The following ASIC2 variants were observed in gnomAD, a reference collection of about 807,000 sequenced individuals.
ASIC2 encodes acid sensing ion channel subunit 2.
A neutral mutation model predicts 57.3 loss-of-function variants in ASIC2; 25 were observed. The observed-to-expected ratio is 0.44, with a 90% CI of 0.32 to 0.61. The LOEUF (loss-of-function observed/expected upper bound fraction) is 0.61. Among genes scored for constraint, ASIC2 ranks in the 20% least tolerant of loss-of-function variants. ASIC2 has a pLI of 0.06. For missense variants in ASIC2, 641 were observed against 738.1 expected, an observed-to-expected ratio of 0.87 and a Z score of 1.52; for synonymous variants, 319 against 307.5, an observed-to-expected ratio of 1.04 and a Z score of -0.39.
chr17:33,622,394 G>GAC (rs540445865), intron 1 of ASIC2, among the ~76,000 whole-genome samples: 8 of 151,810 alleles, frequency 5.3e-5, no homozygotes, highest in Admixed American at 1.3e-4. Context: ...TTTAAAAAAA[G>GAC]ACACACACAC....
chr17:33,519,066 C>T lies in ASIC2; in HGVS notation c.556-406999G>A, dbSNP rs541838346. Among the ~76,000 whole-genome samples, 19 of 152,182 alleles carry T rather than the reference C, an allele frequency of 1.2e-4. No individual in the cohort carries two copies. In the South Asian group the frequency reaches 2.5e-3, roughly 20 times the overall value. ...CGATCTCCTGACCTCGTGATCCGCC[C>T]GCCTCGGCCTCCCAAAGTGCTGGGA... On this transcript the variant is annotated intron_variant, in intron 1 of 9. Coordinates refer to the ASIC2 transcript ENST00000359872.
chr17:33,343,472 C>G (rs1006848641), intron 1 of ASIC2, among the ~76,000 whole-genome samples: 3 of 152,198 alleles, frequency 2.0e-5, no homozygotes, highest in Non-Finnish European at 4.4e-5. Context: ...TTGGCTTCCT[C>G]ACTTTATTAC....
At position 33,277,651 on chromosome 17, in the gene ASIC2, A is replaced by G. The variant is rs11657753; in HGVS notation, c.708+13757T>C. ...TTTGCCCTGGTGAAGATTAATCAGC[A>G]GAGGAATGTGGTGCTAATTACCCAG... On this transcript the variant is annotated intron_variant, in intron 1 of 9. Coordinates refer to ENST00000225823, the MANE Select transcript of ASIC2 (RefSeq NM_183377.2). 6.1e-3 allele frequency among the ~76,000 whole-genome samples: 934 copies of G among 152,318 alleles called. 5 individuals carry two copies. The highest frequency in any genetic ancestry group is 9.7e-3 in the Admixed American group (149 of 15,296).
intron 1 of ASIC2, among the ~76,000 whole-genome samples, chr17:33,746,259 T>A (rs1910254507): frequency 6.6e-6 from 1 of 151,056 alleles, no homozygotes; most frequent in African/African-American, 2.4e-5. Flanking sequence ...TATACACATA[T>A]ATGTATATAC....
intron 3 of ASIC2, among the ~76,000 whole-genome samples, chr17:33,087,517 T>C (rs2092138955): frequency 6.6e-6 from 1 of 150,756 alleles, no homozygotes; most frequent in South Asian, 2.1e-4. Flanking sequence ...GCCTATGCCA[T>C]CAACACTTTC....
At chr17:33,199,146 A>C in intron 1 of ASIC2, among the ~76,000 whole-genome samples, 1 of 152,214 alleles carries the variant, frequency 6.6e-6, no homozygotes, top group East Asian at 1.9e-4. Context: ...GTGGGCTGAT[A>C]ACCATTTCGG....
intron 1 of ASIC2, among the ~76,000 whole-genome samples, chr17:33,946,942 C>T (rs958614035): frequency 3.3e-5 from 5 of 152,078 alleles, no homozygotes; most frequent in African/African-American, 1.2e-4. Flanking sequence ...CATATATGTC[C>T]TCTCCATCCA....
At chr17:33,128,177 G>T (rs1261602382) in intron 1 of ASIC2, among the ~76,000 whole-genome samples, 3 of 152,186 alleles carry the variant, frequency 2.0e-5, no homozygotes, top group East Asian at 3.9e-4. Flanking sequence ...ATGCCCTCCT[G>T]GGGCTTTGCC....
intron 1 of ASIC2, among the ~76,000 whole-genome samples, chr17:33,481,794 C>T (rs1913415389): frequency 2.6e-5 from 4 of 152,218 alleles, no homozygotes; most frequent in African/African-American, 7.2e-5. Context: ...CCCCTATCCA[C>T]ATGGCCTTGA....
At position 33,822,613 on chromosome 17, in the gene ASIC2, T is replaced by G. The variant is rs192387628; in HGVS notation, c.555+333365A>C. Among the ~76,000 whole-genome samples, 252 of 152,304 alleles carry G rather than the reference T, an allele frequency of 1.7e-3. 1 individual carries two copies. Among genetic ancestry groups the G allele is most frequent in the African/African-American group, 6.0e-3 (248 of 41,570 alleles). On this transcript the variant is annotated intron_variant, in intron 1 of 9. Transcript: ENST00000359872. ...GGGAAGAGAGGAGATGAGATAAACT[T>G]CAAGTCCTGAATTGATCAATAACTA...
intron 1 of ASIC2, among the ~76,000 whole-genome samples, chr17:33,617,437 G>A (rs1905642020): frequency 6.6e-6 from 1 of 152,130 alleles, no homozygotes; most frequent in South Asian, 2.1e-4. Context: ...TTGTAAGTGG[G>A]GGCTAAACAC....
intron 1 of ASIC2, among the ~76,000 whole-genome samples, chr17:33,862,184 C>T (rs1454325816): frequency 1.3e-5 from 2 of 152,224 alleles, no homozygotes; most frequent in African/African-American, 4.8e-5. Flanking sequence ...GTAGCTGAGT[C>T]AGACTCGCCA....
rs538126213 is a variant in ASIC2 at position 33,068,582 on chromosome 17, T to C, written c.987+20281A>G. 5.0e-4 allele frequency among the ~76,000 whole-genome samples: 69 copies of C among 138,700 alleles called. 3 individuals are homozygous for C. The Admixed American group carries it at 5.0e-3, about 10-fold the overall frequency. 91.0% of individuals were successfully genotyped at this position (138,700 alleles called of 152,430 possible). On this transcript the variant is annotated intron_variant, in intron 3 of 9. Transcript: ENST00000225823. The stretch of plus-strand genomic sequence containing the variant: ...AACAAAACAAACCCAAAATAAGTGA[T>C]TGTGAATTTAAGCAGTTGCAACTCA...
chr17:33,253,823 C>A (rs1908965535), intron 1 of ASIC2, among the ~76,000 whole-genome samples: 1 of 152,174 alleles, frequency 6.6e-6, no homozygotes, highest in Non-Finnish European at 1.5e-5. Flanking sequence ...GTGGCCTGAT[C>A]TTGGTGGATG....
At chr17:33,532,735 C>A (rs1597770288) in intron 1 of ASIC2, among the ~76,000 whole-genome samples, 1 of 152,170 alleles carries the variant, frequency 6.6e-6, no homozygotes, top group Non-Finnish European at 1.5e-5. Context: ...ATTGTGGCAG[C>A]CTTCTGCCGC....
At chr17:33,857,320 T>C (rs1205435154) in intron 1 of ASIC2, among the ~76,000 whole-genome samples, 1 of 152,084 alleles carries the variant, frequency 6.6e-6, no homozygotes, top group Admixed American at 6.5e-5. Flanking sequence ...TCACAGAATA[T>C]AATTTACAGA....
At chr17:33,671,171 A>G (rs1368961260) in intron 1 of ASIC2, among the ~76,000 whole-genome samples, 19 of 152,162 alleles carry the variant, frequency 1.2e-4, no homozygotes, top group Admixed American at 1.2e-3. Context: ...TGGATGTCCC[A>G]TTTGCTCACA....
At chr17:33,874,653 C>T (rs1399398438) in intron 1 of ASIC2, among the ~76,000 whole-genome samples, 1 of 152,208 alleles carries the variant, frequency 6.6e-6, no homozygotes, top group Non-Finnish European at 1.5e-5. Flanking sequence ...CTTCATACCC[C>T]AAACATCCTG....
chr17:33,985,876 A>T (rs992236292), intron 1 of ASIC2, among the ~76,000 whole-genome samples: 1 of 152,244 alleles, frequency 6.6e-6, no homozygotes, highest in African/African-American at 2.4e-5. Context: ...CTGAGAAGAC[A>T]CAATAGGCAT....
Sources: allele counts gnomAD v4.1 joint callset (sites outside exome capture counted in the v4.1 genomes callset), GRCh38; gene constraint gnomAD v4.1.1; transcripts MANE v1.5; gene names NCBI Gene and HGNC (gene_info 2026-07-23, HGNC 2026-07-21).